Variants in RABGAP1L observed in about 807,000 individuals in gnomAD.
RABGAP1L encodes RAB GTPase activating protein 1 like.
Under a neutral mutation model 137.7 loss-of-function variants are expected in RABGAP1L, and 63 were observed. That is an observed-to-expected ratio of 0.46 (90% CI 0.37 to 0.56). The LOEUF is 0.56. Ranked by LOEUF, RABGAP1L falls within the 20% of genes least tolerant of loss-of-function variation. The probability of loss-of-function intolerance (pLI) is 0.00; values close to 1 mark genes in which losing one functional copy is unlikely to be tolerated. For synonymous variants in RABGAP1L, 431 were observed against 433.7 expected (o/e 0.99, Z 0.08); for missense variants, 1,095 against 1,244.0 (o/e 0.88, Z 1.80).
In RABGAP1L at chr1:174,448,563, A is replaced by G. The variant is rs368909262; in HGVS notation, c.1710+54418A>G. On this transcript the variant is annotated intron_variant, in intron 13 of 25. Transcript: ENST00000681986. This position sits in a 1 kb window ranked among gnomAD's most constrained non-coding sequence, Gnocchi z 4.2. ...ATAACCAAGCCTCTTTCCTACAATC[A>G]ACTGGTCACCCCTTGTCGCTTGAGA... is the stretch of plus-strand genomic sequence containing the variant. 87 of 1,613,514 alleles carry G rather than the reference A, an allele frequency of 5.4e-5. No individual in the cohort carries two copies. The highest frequency in any genetic ancestry group is 7.3e-5 in the Non-Finnish European group (86 of 1,179,638).
chr1:174,534,574 C>T (rs927808576), intron 13 of RABGAP1L, among the ~76,000 whole-genome samples: 13 of 151,596 alleles, frequency 8.6e-5, no homozygotes, highest in African/African-American at 2.9e-4. Context: ...GTTAGGAGTT[C>T]GAGACTGGCC....
intron 13 of RABGAP1L, among the ~76,000 whole-genome samples, chr1:174,616,020 CT>C (rs1467255781): frequency 2.6e-5 from 4 of 152,120 alleles, no homozygotes; most frequent in African/African-American, 9.6e-5. Flanking sequence ...TCCCTGACCC[CT>C]TGCACTTCCT....
intron 7 of RABGAP1L, among the ~76,000 whole-genome samples, chr1:174,258,917 A>G (rs1434353248): frequency 6.6e-6 from 1 of 151,928 alleles, no homozygotes; most frequent in African/African-American, 2.4e-5. Flanking sequence ...AGCTGGGACT[A>G]CAGGTGTCCA....
intron 11 of RABGAP1L, among the ~76,000 whole-genome samples, chr1:174,343,175 A>G (rs1021680768): frequency 2.6e-5 from 4 of 152,172 alleles, no homozygotes; most frequent in African/African-American, 9.7e-5. Context: ...ATTGCACAGT[A>G]TTCTGTGGTG....
chr1:174,270,457 G>A (rs115492928), intron 7 of RABGAP1L, among the ~76,000 whole-genome samples: 5 of 151,958 alleles, frequency 3.3e-5, no homozygotes, highest in Non-Finnish European at 7.4e-5. Context: ...GTGGGAGAGC[G>A]GGGTGAAGGT....
At chr1:174,671,397 C>G (rs1374809185) in intron 14 of RABGAP1L, among the ~76,000 whole-genome samples, 1 of 152,124 alleles carries the variant, frequency 6.6e-6, no homozygotes, top group Non-Finnish European at 1.5e-5. Context: ...ACATCCATAT[C>G]TTGTTCCAGT....
Position 174,250,638 on chromosome 1 carries a change from G to T in RABGAP1L, c.875+6G>T, listed in dbSNP as rs779545063. The T allele has an allele frequency of 9.9e-6, 16 of 1,609,854 alleles. No individual in the cohort carries two copies. Among genetic ancestry groups the T allele is most frequent in the Admixed American group, 3.4e-5 (2 of 59,224 alleles). ...GATGGAAAAGGAAACTTTAGGTGAG[G>T]CATTTGGAAAGATTAAAAATTCGCA... On this transcript the variant is annotated splice_donor_region_variant and intron_variant, in intron 6 of 25. Transcript: ENST00000681986.
intron 13 of RABGAP1L, among the ~76,000 whole-genome samples, chr1:174,508,809 A>G (rs921330998): frequency 6.6e-6 from 1 of 152,174 alleles, no homozygotes; most frequent in Non-Finnish European, 1.5e-5. Flanking sequence ...TATTAAAAAC[A>G]TTGTGTGACT....
intron 19 of RABGAP1L, chr1:174,874,575 T>A: frequency 5.8e-6 from 2 of 346,842 alleles, no homozygotes; most frequent in Non-Finnish European, 7.6e-6. Flanking sequence ...TCCACACCAC[T>A]GCCTTTTTTT....
chr1:174,697,385 G>A (rs557661625), intron 15 of RABGAP1L, among the ~76,000 whole-genome samples: 12 of 151,622 alleles, frequency 7.9e-5, no homozygotes, highest in Admixed American at 3.9e-4. Context: ...GCAGTGGTGC[G>A]ATCTCAGCTC....
intron 14 of RABGAP1L, among the ~76,000 whole-genome samples, chr1:174,654,751 A>G (rs1019297350): frequency 3.9e-5 from 6 of 152,170 alleles, no homozygotes; most frequent in Non-Finnish European, 8.8e-5. Context: ...ATAAAAGGAA[A>G]CTTACATATA....
At chr1:174,342,482 A>G (rs549503787) in intron 11 of RABGAP1L, among the ~76,000 whole-genome samples, 1 of 152,320 alleles carries the variant, frequency 6.6e-6, no homozygotes, top group Non-Finnish European at 1.5e-5. Flanking sequence ...AATCTTTGAG[A>G]TATTTAAATA....
intron 19 of RABGAP1L, among the ~76,000 whole-genome samples, chr1:174,921,764 T>C (rs1309169001): frequency 3.3e-5 from 5 of 152,228 alleles, no homozygotes; most frequent in Non-Finnish European, 7.3e-5. Flanking sequence ...TGGTCTGTCA[T>C]GTTTGAATTT....
chr1:174,193,645 A>G (rs957575691), intron 1 of RABGAP1L, among the ~76,000 whole-genome samples: 5 of 152,178 alleles, frequency 3.3e-5, no homozygotes, highest in Non-Finnish European at 7.3e-5. Context: ...CCTTATATTG[A>G]AGACTTGACC....
intron 1 of RABGAP1L, among the ~76,000 whole-genome samples, chr1:174,171,396 T>C (rs1665370356): frequency 6.6e-6 from 1 of 152,316 alleles, no homozygotes; most frequent in African/African-American, 2.4e-5. Context: ...AAATGATTTT[T>C]ATGTTTTGAT....
rs150661346 is a variant in RABGAP1L, at chr1:174,165,904, A to G, written c.-34+6247A>G. Among the ~76,000 whole-genome samples, 200 of 152,336 alleles carry G rather than the reference A, an allele frequency of 1.3e-3. 1 individual carries two copies. Among genetic ancestry groups the G allele is most frequent in the African/African-American group, 4.5e-3 (188 of 41,574 alleles). On this transcript the variant is annotated intron_variant, in intron 1 of 25. Coordinates refer to ENST00000681986, the MANE Select transcript of RABGAP1L (RefSeq NM_001366446.1). ...GCCAGGGGCCAGGGTGATCAAAGGC[A>G]TACAAGCATAGACAGGGAAAAATGA...
intron 16 of RABGAP1L, among the ~76,000 whole-genome samples, chr1:174,700,262 A>C (rs1466031516): frequency 6.6e-6 from 1 of 152,242 alleles, no homozygotes; most frequent in Non-Finnish European, 1.5e-5. Context: ...AGCTGACAAA[A>C]GGAATTTTTA....
intron 13 of RABGAP1L, among the ~76,000 whole-genome samples, chr1:174,475,724 T>C (rs1658428597): frequency 6.9e-6 from 1 of 144,466 alleles, no homozygotes; most frequent in Non-Finnish European, 1.5e-5. Context: ...TGAGTTATGA[T>C]TGTGCTACTG....
chr1:174,877,687 T>A, intron 19 of RABGAP1L: 7 of 1,401,986 alleles, frequency 5.0e-6, no homozygotes, highest in African/African-American at 1.4e-5. Context: ...AACTGAGGCA[T>A]AACTTGCTGT....
Sources: gnomAD v4.1 joint callset for allele counts (sites outside exome capture counted in the v4.1 genomes callset) on GRCh38, gnomAD v4.1.1 for gene constraint, Gnocchi (gnomAD v3.1) non-coding constraint, MANE v1.5 for transcripts, NCBI Gene and HGNC (gene_info 2026-07-23, HGNC 2026-07-21) for gene names.